Variants in DNMT1 observed in about 807,000 individuals in gnomAD.
DNMT1 encodes DNA methyltransferase 1, also known as DNA (cytosine-5)-methyltransferase 1.
DNMT1 carries 24 observed loss-of-function variants against 205.3 expected under a neutral mutation model. The ratio of observed to expected loss-of-function variants is 0.12; its 90% CI spans 0.08 to 0.16. The LOEUF (loss-of-function observed/expected upper bound fraction) is 0.16. Ranked by LOEUF, DNMT1 falls within the 10% of genes least tolerant of loss-of-function variation. The probability of loss-of-function intolerance (pLI) is 1.00; values close to 1 mark genes in which losing one functional copy is unlikely to be tolerated. For missense variants in DNMT1, 1,293 were observed against 2,177.7 expected (o/e 0.59, Z 8.09); for synonymous variants, 817 against 839.8 (o/e 0.97, Z 0.47).
At chr19:10,168,431 C>T (rs761037378) in intron 9 of DNMT1, 67 bp from the exon 10 acceptor site, 1 of 1,542,568 alleles carries the variant, frequency 6.5e-7, no homozygotes, top group Non-Finnish European at 9.0e-7. Context: ...ATTAAAGTGT[C>T]CTATGGAAAT....
intron 12 of DNMT1, chr19:10,162,984 T>G: frequency 4.4e-6 from 2 of 459,490 alleles, no homozygotes; most frequent in Non-Finnish European, 7.6e-6. Flanking sequence ...TTTTTTTTTT[T>G]GAGACAGAGT....
intron 5 of DNMT1, 131 bp from the exon 6 acceptor site, chr19:10,177,498 C>T: frequency 1.2e-6 from 1 of 862,800 alleles, no homozygotes. Context: ...AGCATCTTTG[C>T]ATTTTTATTC....
chr19:10,152,774 C>G (rs1258734041), intron 22 of DNMT1, among the ~76,000 whole-genome samples: 2 of 151,586 alleles, frequency 1.3e-5, no homozygotes, highest in Non-Finnish European at 2.9e-5. Flanking sequence ...ACAACAACAA[C>G]AACAACAACA....
In DNMT1 at chr19:10,143,805, T is replaced by C. The variant is rs373940840; in HGVS notation, c.3077A>G (p.Asn1026Ser). The change falls in exon 29 of 41, where the codon AAT becomes AGT. Residue 1026 changes from asparagine to serine, a missense_variant. Transcript: ENST00000359526. ...GACCCGGATTTTGATGTCAGTCTCA[T>C]TGGGCCTGCCGTTGCTCTTCTTGGG... ...FCPKKSNGRP[N>S]ETDIKIRVNK... 1.2e-6 allele frequency: 2 copies of C among 1,614,154 alleles called. No homozygotes were observed. The highest frequency in any genetic ancestry group is 1.7e-6 in the Non-Finnish European group (2 of 1,180,012).
chr19:10,183,175 C>T (rs2039114608), intron 1 of DNMT1, among the ~76,000 whole-genome samples: 1 of 143,706 alleles, frequency 7.0e-6, no homozygotes, highest in Non-Finnish European at 1.5e-5. Flanking sequence ...GGCTGGAGTG[C>T]AATGGTGTGA....
intron 10 of DNMT1, among the ~76,000 whole-genome samples, chr19:10,167,864 C>T (rs2038727961): frequency 6.6e-6 from 1 of 152,104 alleles, no homozygotes; most frequent in African/African-American, 2.4e-5. Context: ...CTAACTTCAC[C>T]CCGTAATCCC....
rs2038733409 is a variant in DNMT1, at chr19:10,168,180, G to A, written c.803+150C>T. 6 of 780,770 alleles carry A rather than the reference G, an allele frequency of 7.7e-6. No individual in the cohort carries two copies. In the East Asian group the frequency reaches 7.9e-5, roughly 10 times the overall value. The allele number at this position is 780,770 out of a possible 1,614,324, so 48.4% of individuals were successfully genotyped here. A position where few individuals can be genotyped will look rare whatever the true frequency, so the allele number is the denominator to read the frequency against. ...AGTTAACTTCAGCCTTCACTTCAGG[G>A]TGGTCTCACCTTTCACAAGCAGAAC... is the stretch of plus-strand genomic sequence containing the variant. On this transcript the variant is annotated intron_variant, in intron 10 of 40. Transcript: ENST00000359526.
At chr19:10,177,178 A>C in intron 6 of DNMT1, 114 bp downstream of exon 6, 2 of 962,164 alleles carry the variant, frequency 2.1e-6, no homozygotes, top group East Asian at 2.5e-5. Context: ...ACAGAACCGC[A>C]AGATGAAAAC....
At chr19:10,143,221 C>A (rs1052417426) in intron 29 of DNMT1, among the ~76,000 whole-genome samples, 1 of 152,004 alleles carries the variant, frequency 6.6e-6, no homozygotes, top group Non-Finnish European at 1.5e-5. Context: ...GGCACTCTAC[C>A]CGTTTTTTCT....
intron 1 of DNMT1, 140 bp downstream of exon 1, chr19:10,194,680 A>T (rs1188270222): frequency 8.1e-7 from 1 of 1,228,426 alleles, no homozygotes; most frequent in African/African-American, 1.6e-5. Flanking sequence ...GCCCGCGCCA[A>T]CTGCCGCTGC....
chr19:10,167,890 G>A (rs1000525548), intron 10 of DNMT1, among the ~76,000 whole-genome samples: 2 of 152,044 alleles, frequency 1.3e-5, no homozygotes. Flanking sequence ...TTTGGGAGGC[G>A]AGGCAGGTGG....
chr19:10,169,386 CAA>C (rs61170762), intron 9 of DNMT1, among the ~76,000 whole-genome samples: 26 of 80,940 alleles, frequency 3.2e-4, no homozygotes, highest in African/African-American at 1.0e-3. Flanking sequence ...ACTAAAAATA[CAA>C]AAAAAAAAAA....
rs920543040 is a variant in DNMT1 at position 10,135,725 on chromosome 19, G to GC, written c.4773+10dup. ...TTCCTGTCCAGACCCAGCGGGCGCC[G>GC]CCCCACTGACCTGCCGGTGCTTGTC... On this transcript the variant is annotated intron_variant, in intron 39 of 40. Coordinates refer to ENST00000359526, the MANE Select transcript of DNMT1 (RefSeq NM_001130823.3). The GC allele has an allele frequency of 1.6e-5, 26 of 1,604,994 alleles. No homozygotes were observed. Among genetic ancestry groups the GC allele is most frequent in the Non-Finnish European group, 2.0e-5 (24 of 1,177,854 alleles).
rs150856474 is a variant in DNMT1, at chr19:10,168,318, C to T, written c.803+12G>A. ...TCACAACAAAGCACAAAGGCAGGTT[C>T]GCTGCACTTACGGTTCTTTGGTTTG... On this transcript the variant is annotated intron_variant, in intron 10 of 40. Transcript: ENST00000359526. The T allele has an allele frequency of 3.7e-6, 6 of 1,614,070 alleles. No homozygotes were observed. The highest frequency in any genetic ancestry group is 4.5e-5 in the East Asian group (2 of 44,880).
chr19:10,154,494 C>G lies in DNMT1; in HGVS notation c.1833-15G>C, dbSNP rs771831558. 2 of 1,614,032 alleles carry G rather than the reference C, an allele frequency of 1.2e-6. No homozygotes were observed. The highest frequency in any genetic ancestry group is 2.7e-5 in the African/African-American group (2 of 74,912). On this transcript the variant is annotated splice_polypyrimidine_tract_variant and intron_variant, in intron 21 of 40. Transcript: ENST00000359526. This position sits in a 1 kb window ranked among gnomAD's most constrained non-coding sequence, Gnocchi z 6.3. ...CCTGGGCTCGCCTACGGGAGAGGTT[C>G]CAGCATCTCAGAGGACTGGGACAGA...
chr19:10,152,430 C>G (rs1291672234), intron 22 of DNMT1, among the ~76,000 whole-genome samples: 1 of 151,268 alleles, frequency 6.6e-6, no homozygotes, highest in Admixed American at 6.6e-5. Flanking sequence ...AGTTCAAGAC[C>G]AGCCTGGGCA....
At position 10,143,793 on chromosome 19, in the gene DNMT1, A is replaced by C; in HGVS notation, c.3089T>G (p.Ile1030Ser). The C allele has an allele frequency of 6.2e-7, 1 of 1,614,106 alleles. No homozygotes were observed. The highest frequency in any genetic ancestry group is 8.5e-7 in the Non-Finnish European group (1 of 1,179,996). The part of the protein sequence containing the change: ...KSNGRPNETD[I>S]KIRVNKFYRP... ...GTAGAACTTGTTGACCCGGATTTTG[A>C]TGTCAGTCTCATTGGGCCTGCCGTT... is the stretch of plus-strand genomic sequence containing the variant. Residue 1030 changes from isoleucine to serine, a missense_variant, in exon 29 of 41, where the codon ATC becomes AGC. By Grantham distance (142) the Ile-to-Ser change is moderately radical (BLOSUM62 -2). Coordinates refer to ENST00000359526, the MANE Select transcript of DNMT1 (RefSeq NM_001130823.3).
chr19:10,147,817 T>C (rs1034894444), intron 27 of DNMT1, among the ~76,000 whole-genome samples: 8 of 151,272 alleles, frequency 5.3e-5, no homozygotes, highest in African/African-American at 1.9e-4. Context: ...CATTGGACAT[T>C]AAAAAATAAA....
Position 10,151,390 on chromosome 19 carries a change from A to G in DNMT1, c.2265+8T>C. On this transcript the variant is annotated splice_region_variant and intron_variant, in intron 24 of 40. Coordinates refer to ENST00000359526, the MANE Select transcript of DNMT1 (RefSeq NM_001130823.3). The surrounding 1 kb of genome is among the most constrained non-coding windows in gnomAD (Gnocchi z 5.0). ...GCAGTGAGCTGACCAAGGGGCTCCA[A>G]GGGTTACCTTGACGGCTTCTCCGAC... 1 of 1,612,574 alleles carries G rather than the reference A, an allele frequency of 6.2e-7. No homozygotes were observed. The highest frequency in any genetic ancestry group is 2.2e-5 in the East Asian group (1 of 44,876).
Sources: gnomAD v4.1 joint callset for allele counts (sites outside exome capture counted in the v4.1 genomes callset) on GRCh38, gnomAD v4.1.1 for gene constraint, Gnocchi (gnomAD v3.1) non-coding constraint, MANE v1.5 for transcripts, NCBI Gene and HGNC (gene_info 2026-07-23, HGNC 2026-07-21) for gene names.